The following ZNF500 variants were observed in gnomAD, a reference collection of about 807,000 sequenced individuals.
The protein encoded by ZNF500 is zinc finger protein 500.
In ZNF500, 31 loss-of-function variants were observed where a neutral mutation model predicts 30.1. The observed-to-expected ratio is 1.03, with a 90% CI of 0.77 to 1.39. The LOEUF (loss-of-function observed/expected upper bound fraction) is 1.39. Ranked by LOEUF, ZNF500 falls within the 40% of genes most tolerant of loss-of-function variation. The pLI, the probability that ZNF500 is intolerant of heterozygous loss-of-function variation, is 0.00. For synonymous variants in ZNF500, 392 were observed against 282.0 expected (o/e 1.39, Z -3.91); for missense variants, 817 against 657.8 (o/e 1.24, Z -2.65).
At chr16:4,763,675 G>C (rs984569671) in intron 2 of ZNF500, 26 of 985,450 alleles carry the variant, frequency 2.6e-5, no homozygotes, top group Non-Finnish European at 3.1e-5. Flanking sequence ...ATGGCCATGA[G>C]GCATGTGTGC....
intron 5 of ZNF500, among the ~76,000 whole-genome samples, chr16:4,754,744 A>T (rs2082119367): frequency 6.6e-6 from 1 of 152,072 alleles, no homozygotes; most frequent in South Asian, 2.1e-4. Context: ...TGCTATAATA[A>T]TATTTTATTT....
At chr16:4,748,155 G>C (rs983336070), downstream of ZNF500, 2 of 151,648 alleles carry the variant, frequency 1.3e-5, no homozygotes, top group Non-Finnish European at 2.9e-5. Flanking sequence ...TAATACACGT[G>C]GTTTTTTCTC....
At chr16:4,747,067 C>T, downstream of ZNF500, 3 of 1,477,970 alleles carry the variant, frequency 2.0e-6, no homozygotes, top group Non-Finnish European at 2.7e-6. Context: ...GATGTCCCAC[C>T]TCTGCTTTCT....
In ZNF500 at chr16:4,762,862, C is replaced by G. The variant is rs542479939; in HGVS notation, c.415-106G>C. ...TCAGGCACCCCAGCCGGCTGCCCACCCCCGGGCTGTCTGCAGCCTCCCTCC... is the reference window on the plus strand; with the variant it reads ...TCAGGCACCCCAGCCGGCTGCCCACGCCCGGGCTGTCTGCAGCCTCCCTCC... On this transcript the variant is annotated intron_variant, in intron 2 of 5. Coordinates refer to ENST00000219478, the MANE Select transcript of ZNF500 (RefSeq NM_021646.4). 4.8e-6 allele frequency: 7 copies of G among 1,448,344 alleles called. No individual in the cohort carries two copies. The South Asian group carries it at 7.2e-5, about 15-fold the overall frequency. The allele number at this position is 1,448,344 out of a possible 1,614,324, so 89.7% of individuals were successfully genotyped here.
chr16:4,753,053 C>T lies in ZNF500; in HGVS notation c.766G>A (p.Gly256Arg), dbSNP rs368876139. 1.3e-6 allele frequency: 2 copies of T among 1,516,410 alleles called. No individual in the cohort carries two copies. The highest frequency in any genetic ancestry group is 1.8e-6 in the Non-Finnish European group (2 of 1,138,126). The allele number at this position is 1,516,410 out of a possible 1,614,324, so 93.9% of individuals were successfully genotyped here. The change falls in exon 6 of 6, where the codon GGG becomes AGG. Residue 256 changes from glycine to arginine, a missense_variant. Gly to Arg is a moderately radical substitution (Grantham distance 125, BLOSUM62 -2). Transcript: ENST00000219478. ...RDAPLENEGP[G>R]IQLEDGGDGR... is the part of the protein sequence containing the mutation. ...TCACCGCCGTCCTCCAACTGGATCC[C>T]AGGTCCTGAGACAGAGAAAGCACGA...
In ZNF500 at chr16:4,762,694, G is replaced by A. The variant is rs375512269; in HGVS notation, c.477C>T (p.His159=). ...PLGIGGQFLK[H]QAEAQPEDLS... is the part of the protein sequence containing the mutation. The stretch of plus-strand genomic sequence containing the variant: ...GATCCTCTGGCTGAGCCTCTGCCTG[G>A]TGTTTTAAGAACTGTCCCCCTATCC... Residue 159 remains histidine (H), a synonymous_variant, in exon 3 of 6, where the codon CAC becomes CAT. Coordinates refer to ENST00000219478, the MANE Select transcript of ZNF500 (RefSeq NM_021646.4). 6.2e-7 allele frequency: 1 copy of A among 1,613,996 alleles called. No homozygotes were observed. The highest frequency in any genetic ancestry group is 1.7e-5 in the Admixed American group (1 of 60,016).
At chr16:4,755,423 T>G (rs544090676) in intron 5 of ZNF500, among the ~76,000 whole-genome samples, 9 of 152,282 alleles carry the variant, frequency 5.9e-5, no homozygotes, top group South Asian at 4.1e-4. Flanking sequence ...TTCAAGCGAT[T>G]CTCCTACCTC....
rs767878780 is a variant in ZNF500 at position 4,752,494 on chromosome 16, C to T, written c.1325G>A (p.Cys442Tyr). 7 of 1,550,752 alleles carry T rather than the reference C, an allele frequency of 4.5e-6. No homozygotes were observed. The highest frequency in any genetic ancestry group is 3.3e-4 in the Middle Eastern group (2 of 6,000). Residue 442 changes from cysteine (C) to tyrosine (Y), a missense_variant, in exon 6 of 6, where the codon TGT (cysteine) becomes TAT (tyrosine). By Grantham distance (194) the Cys-to-Tyr change is radical (BLOSUM62 -2). Coordinates refer to ENST00000219478, the MANE Select transcript of ZNF500 (RefSeq NM_021646.4). Reference protein sequence around the residue: ...TGEKPYTCPACGRGFRRGTDL... With the variant: ...TGEKPYTCPAYGRGFRRGTDL... ...GGTGCCCCGGCGGAAGCCCCGGCCACAGGCCGGGCAGGTGTAGGGCTTCTC... is the reference window on the plus strand; with the variant it reads ...GGTGCCCCGGCGGAAGCCCCGGCCATAGGCCGGGCAGGTGTAGGGCTTCTC...
chr16:4,757,848 C>T (rs530516355), intron 5 of ZNF500, among the ~76,000 whole-genome samples: 1 of 151,500 alleles, frequency 6.6e-6, no homozygotes, highest in Non-Finnish European at 1.5e-5. Context: ...ATGATCCACC[C>T]GCCTCAGCCT....
chr16:4,765,879 C>T lies in ZNF500; in HGVS notation c.100G>A (p.Glu34Lys). 6.2e-7 allele frequency: 1 copy of T among 1,613,670 alleles called. No individual in the cohort carries two copies. Among genetic ancestry groups the T allele is most frequent in the Non-Finnish European group, 8.5e-7 (1 of 1,179,978 alleles). ...TCCGTCTCCACGGAGGGCTCCTCTT[C>T]CAAGCAGAAGTCCTCCTCCACCTTC... Reference protein sequence around the residue: ...IVKVEEDFCLEEEPSVETEDP... With the variant: ...IVKVEEDFCLKEEPSVETEDP... The change falls in exon 2 of 6, where the codon GAA (glutamate) becomes AAA (lysine). Residue 34 changes from glutamate (E) to lysine (K), a missense_variant. Coordinates refer to ENST00000219478, the MANE Select transcript of ZNF500 (RefSeq NM_021646.4).
chr16:4,765,013 T>C (rs1017071273), intron 2 of ZNF500, among the ~76,000 whole-genome samples: 15 of 151,636 alleles, frequency 9.9e-5, no homozygotes, highest in Admixed American at 7.2e-4. Flanking sequence ...CCAAAACCTA[T>C]GTTTGGGGCT....
chr16:4,747,684 C>T (rs185132079), downstream of ZNF500: 496 of 1,524,122 alleles, frequency 3.3e-4, 3 homozygotes, highest in African/African-American at 6.1e-3. Flanking sequence ...GCCATGGACC[C>T]TGGGCCCCGG....
intron 4 of ZNF500, among the ~76,000 whole-genome samples, chr16:4,762,025 G>C (rs79834612): frequency 0.02 from 3,020 of 152,248 alleles, 44 homozygotes; most frequent in Non-Finnish European, 0.031. Context: ...TGTCTCACTG[G>C]TGGACCGCAG....
At chr16:4,756,532 C>T (rs1320753483) in intron 5 of ZNF500, 1 of 151,456 alleles carries the variant, frequency 6.6e-6, no homozygotes, top group African/African-American at 2.4e-5. Flanking sequence ...AGTGAGACTC[C>T]ATCTCTATCA....
At position 4,764,988 on chromosome 16, in the gene ZNF500, C is replaced by T. The variant is rs539382216; in HGVS notation, c.414+577G>A. Among the ~76,000 whole-genome samples the T allele has an allele frequency of 8.5e-4, 129 of 151,952 alleles. 1 individual carries two copies. In the South Asian group the frequency reaches 0.02, roughly 23 times the overall value. On this transcript the variant is annotated intron_variant, in intron 2 of 5. Transcript: ENST00000219478. ...TTCAACTCCCTGCCTTGGAAGGTGC[C>T]GGACCTCTCTCCCACCAAAACCTAT...
intron 2 of ZNF500, chr16:4,763,709 A>T: frequency 1.0e-6 from 1 of 978,952 alleles, no homozygotes; most frequent in Non-Finnish European, 1.2e-6. Context: ...CAGTGACAGA[A>T]GGAAGCCATG....
downstream of ZNF500, chr16:4,747,175 G>A: frequency 2.5e-6 from 3 of 1,204,108 alleles, no homozygotes; most frequent in Non-Finnish European, 3.5e-6. Flanking sequence ...TCATCATCCT[G>A]CCCACGTCCA....
In ZNF500 at chr16:4,766,087, A is replaced by G. The variant is rs2082262882; in HGVS notation, c.-98-11T>C. The stretch of plus-strand genomic sequence containing the variant: ...GTTTTTTTCAGGGCCCTGTGGAGAG[A>G]CGATAAAACCATCTGAAGGGCAGCC... On this transcript the variant is annotated splice_polypyrimidine_tract_variant and intron_variant, in intron 1 of 5. Coordinates refer to ENST00000219478, the MANE Select transcript of ZNF500 (RefSeq NM_021646.4). The G allele has an allele frequency of 7.5e-7, 1 of 1,337,538 alleles. No individual in the cohort carries two copies. Among genetic ancestry groups the G allele is most frequent in the Admixed American group, 2.8e-5 (1 of 35,652 alleles). The allele number at this position is 1,337,538 out of a possible 1,614,324, so 82.9% of individuals were successfully genotyped here.
Position 4,752,360 on chromosome 16 carries a change from G to A in ZNF500, c.*16C>T. ...CAGGGATGAGAGTCCTGGAAAGGGA[G>A]TTTCAGGCCTGGTGATCAGGCTTTG... On this transcript the variant is annotated 3_prime_UTR_variant, in exon 6 of 6. Transcript: ENST00000219478. 2.0e-6 allele frequency: 3 copies of A among 1,470,144 alleles called. No individual in the cohort carries two copies. Among genetic ancestry groups the A allele is most frequent in the Non-Finnish European group, 2.7e-6 (3 of 1,114,362 alleles). 91.1% of individuals were successfully genotyped at this position (1,470,144 alleles called of 1,614,324 possible). A position where few individuals can be genotyped will look rare whatever the true frequency, so the allele number is the denominator to read the frequency against.
Sources: allele counts gnomAD v4.1 joint callset (sites outside exome capture counted in the v4.1 genomes callset), GRCh38; gene constraint gnomAD v4.1.1; transcripts MANE v1.5; gene names NCBI Gene and HGNC (gene_info 2026-07-23, HGNC 2026-07-21).